The following FAM20C variants were observed in gnomAD, a reference collection of about 807,000 sequenced individuals.
FAM20C encodes extracellular serine/threonine protein kinase FAM20C.
A neutral mutation model predicts 51.5 loss-of-function variants in FAM20C; 40 were observed. That is an observed-to-expected ratio of 0.78 (90% CI 0.60 to 1.01). FAM20C has a LOEUF of 1.01. Among genes scored for constraint, FAM20C ranks in the 50% least tolerant of loss-of-function variants. The probability of loss-of-function intolerance (pLI) is 0.00; values close to 1 mark genes in which losing one functional copy is unlikely to be tolerated. For synonymous variants in FAM20C, 406 were observed against 380.6 expected (o/e 1.07, Z -0.78); for missense variants, 861 against 844.7 (o/e 1.02, Z -0.24).
intron 2 of FAM20C, among the ~76,000 whole-genome samples, chr7:198,364 A>G (rs928993986): frequency 1.2e-4 from 18 of 152,198 alleles, no homozygotes; most frequent in African/African-American, 4.3e-4. Flanking sequence ...AACACAGAGA[A>G]GGTTATAATC....
intron 3 of FAM20C, among the ~76,000 whole-genome samples, chr7:243,070 G>T (rs1788005296): frequency 7.2e-6 from 1 of 138,130 alleles, no homozygotes; most frequent in African/African-American, 2.8e-5. Flanking sequence ...CCACCCGGGA[G>T]ACCTGTGCCA....
chr7:223,140 A>G (rs1460116529), intron 3 of FAM20C, among the ~76,000 whole-genome samples: 1 of 152,072 alleles, frequency 6.6e-6, no homozygotes, highest in Non-Finnish European at 1.5e-5. Flanking sequence ...GTTCCTATGA[A>G]GGGCAGATGG....
At chr7:205,397 A>ACACGCACCG (rs1786330323) in intron 2 of FAM20C, among the ~76,000 whole-genome samples, 1 of 141,902 alleles carries the variant, frequency 7.0e-6, no homozygotes, top group Non-Finnish European at 1.5e-5. Flanking sequence ...ACACCACCAC[A>ACACGCACCG]CCAGTTAATT....
At chr7:195,378 G>A (rs530247354) in intron 1 of FAM20C, 176 bp from the exon 2 acceptor site, 10 of 481,370 alleles carry the variant, frequency 2.1e-5, no homozygotes, top group South Asian at 5.9e-5. Context: ...GCAGCCGAGC[G>A]GCCACAGAAG....
intron 3 of FAM20C, among the ~76,000 whole-genome samples, chr7:226,710 C>T (rs1381924381): frequency 6.6e-6 from 1 of 152,230 alleles, no homozygotes; most frequent in African/African-American, 2.4e-5. Context: ...CTTGTCCAGA[C>T]ACCCTGATGA....
At chr7:195,814 A>G in intron 2 of FAM20C, 82 bp downstream of exon 2, 2 of 1,346,484 alleles carry the variant, frequency 1.5e-6, no homozygotes, top group South Asian at 4.2e-5. Flanking sequence ...TATGTGTTAG[A>G]GAGGTCTGGG....
intron 3 of FAM20C, among the ~76,000 whole-genome samples, chr7:240,658 G>A (rs1483785107): frequency 6.6e-6 from 1 of 152,072 alleles, no homozygotes; most frequent in African/African-American, 2.4e-5. Context: ...TCATTCATTT[G>A]TTTATGAAAC....
chr7:241,659 T>C (rs1470999184), intron 3 of FAM20C, among the ~76,000 whole-genome samples: 1 of 151,932 alleles, frequency 6.6e-6, no homozygotes, highest in Non-Finnish European at 1.5e-5. Context: ...CACATGTGCA[T>C]GAATGTGTGT....
chr7:200,111 G>A (rs570959181), intron 2 of FAM20C, among the ~76,000 whole-genome samples: 2 of 152,344 alleles, frequency 1.3e-5, no homozygotes, highest in Admixed American at 6.5e-5. Flanking sequence ...GTCAGCCCAC[G>A]AGAGGGAGCT....
chr7:222,040 CAGGGCGGAGCCTCGTCT>C (rs1562379449), intron 3 of FAM20C, among the ~76,000 whole-genome samples: 1 of 91,298 alleles, frequency 1.1e-5, no homozygotes, highest in African/African-American at 3.5e-5. Flanking sequence ...CATCTGGGCA[CAGGGCGGAGCCTCGTCT>C]CCAGCAGGGC....
rs745823970 is a variant in FAM20C, at chr7:195,593, C to T, written c.645C>T (p.Pro215=). 44 of 1,598,850 alleles carry T rather than the reference C, an allele frequency of 2.8e-5. No homozygotes were observed. The highest frequency in any genetic ancestry group is 1.7e-4 in the African/African-American group (13 of 74,440). ...CTGAAGGTGCAGAATTCCTCTCCCC[C>T]GGGGAGGCGGCCGTGGACTCCTATC... ...AGAEGAEFLS[P]GEAAVDSYPN... The change falls in exon 2 of 10, where the codon CCC becomes CCT. Residue 215 remains proline, a synonymous_variant. Coordinates refer to ENST00000313766, the MANE Select transcript of FAM20C (RefSeq NM_020223.4).
At position 247,422 on chromosome 7, in the gene FAM20C, C is replaced by G. The variant is rs368837300; in HGVS notation, c.957-893C>G. On this transcript the variant is annotated intron_variant, in intron 4 of 9. Coordinates refer to ENST00000313766, the MANE Select transcript of FAM20C (RefSeq NM_020223.4). ...CTGCACGGCCCTGACACGTCCCAGC[C>G]TGGGGTGCGGCCCCAGGGCCGGCAG... 3.9e-5 allele frequency among the ~76,000 whole-genome samples: 6 copies of G among 152,322 alleles called. No individual in the cohort carries two copies. The East Asian group carries it at 5.8e-4, about 15-fold the overall frequency.
chr7:223,354 C>T (rs1444671550), intron 3 of FAM20C, among the ~76,000 whole-genome samples: 1 of 152,170 alleles, frequency 6.6e-6, no homozygotes. Context: ...GTCCGCAGCA[C>T]TAGCCACATA....
intron 5 of FAM20C, among the ~76,000 whole-genome samples, chr7:254,734 C>T (rs145720356): frequency 1.3e-5 from 2 of 152,202 alleles, no homozygotes; most frequent in African/African-American, 2.4e-5. Context: ...AAAGGAGCCC[C>T]GTACCATGAG....
chr7:252,346 C>T (rs1289325632), intron 5 of FAM20C, among the ~76,000 whole-genome samples: 3 of 145,022 alleles, frequency 2.1e-5, no homozygotes, highest in Admixed American at 1.4e-4. Flanking sequence ...CTGCCAGAGC[C>T]GAGGGCACAT....
chr7:242,643 A>C (rs1787979280), intron 3 of FAM20C, among the ~76,000 whole-genome samples: 1 of 152,192 alleles, frequency 6.6e-6, no homozygotes, highest in African/African-American at 2.4e-5. Flanking sequence ...GCTGCACTGC[A>C]CACCACTAGC....
intron 8 of FAM20C, 34 bp from the exon 9 acceptor site, chr7:258,612 G>T: frequency 6.5e-7 from 1 of 1,535,722 alleles, no homozygotes; most frequent in Non-Finnish European, 8.7e-7. Flanking sequence ...ACCTTGTACA[G>T]GGGCCCTTGA....
chr7:240,723 C>A (rs1300934383), intron 3 of FAM20C, among the ~76,000 whole-genome samples: 2 of 152,192 alleles, frequency 1.3e-5, no homozygotes, highest in Non-Finnish European at 2.9e-5. Context: ...ACTGAACACT[C>A]TTGCCCTGGG....
At position 218,432 on chromosome 7, in the gene FAM20C, C is replaced by T. The variant is rs1370523904; in HGVS notation, c.863+9456C>T. Among the ~76,000 whole-genome samples, 4 of 152,344 alleles carry T rather than the reference C, an allele frequency of 2.6e-5. No homozygotes were observed. In the East Asian group the frequency reaches 7.7e-4, roughly 29 times the overall value. On this transcript the variant is annotated intron_variant, in intron 3 of 9. Coordinates refer to ENST00000313766, the MANE Select transcript of FAM20C (RefSeq NM_020223.4). ...CCCGCACTGACCCTCGGGTGTGGCC[C>T]CTCTGACGGGACTGCACGACCTGCT...
Sources: gnomAD v4.1 joint callset for allele counts (sites outside exome capture counted in the v4.1 genomes callset) on GRCh38, gnomAD v4.1.1 for gene constraint, MANE v1.5 for transcripts, NCBI Gene and HGNC (gene_info 2026-07-23, HGNC 2026-07-21) for gene names.